SLC24A2: variants seen among roughly 807,000 people sequenced by gnomAD.
The protein encoded by SLC24A2 is sodium/potassium/calcium exchanger 2.
In SLC24A2, 36 loss-of-function variants were observed where a neutral mutation model predicts 62.0. The observed-to-expected ratio is 0.58, with a 90% CI of 0.44 to 0.77. The LOEUF is 0.77. SLC24A2 is among the 30% of genes least tolerant of loss of function. SLC24A2 has a pLI of 0.00. For missense variants in SLC24A2, 846 were observed against 817.9 expected (o/e 1.03, Z -0.42); for synonymous variants, 358 against 294.0 (o/e 1.22, Z -2.23).
chr9:19,843,125 C>T, the SLC24A2 span, among the ~76,000 whole-genome samples: 1 of 152,120 alleles, frequency 6.6e-6, no homozygotes, highest in Admixed American at 6.5e-5. Flanking sequence ...AGATATGCAG[C>T]CAGGTTTTTT....
chr9:20,240,799 A>G, the SLC24A2 span, among the ~76,000 whole-genome samples: 1 of 152,158 alleles, frequency 6.6e-6, no homozygotes, highest in Non-Finnish European at 1.5e-5. Flanking sequence ...GAGGTTACCT[A>G]GAGTACAAAT....
At position 19,515,266 on chromosome 9, in the gene SLC24A2, C is replaced by T. The variant is rs966995840; in HGVS notation, c.*887G>A. 6.6e-6 allele frequency: 1 copy of T among 152,172 alleles called. No homozygotes were observed. Among genetic ancestry groups the T allele is most frequent in the Non-Finnish European group, 1.5e-5 (1 of 68,046 alleles). The allele number at this position is 152,172 out of a possible 1,614,324, so 9.4% of individuals were successfully genotyped here. A position where few individuals can be genotyped will look rare whatever the true frequency, so the allele number is the denominator to read the frequency against. Reference sequence around the variant, plus strand: ...AAGAACAAAACAAAACAACCCAACCCTGGTTACCTCCCCACTTCCCCAAAC... The same window carrying T: ...AAGAACAAAACAAAACAACCCAACCTTGGTTACCTCCCCACTTCCCCAAAC... On this transcript the variant is annotated 3_prime_UTR_variant, in exon 11 of 11. Transcript: ENST00000341998.
the SLC24A2 span, among the ~76,000 whole-genome samples, chr9:20,014,495 G>A: frequency 7.1e-6 from 1 of 140,704 alleles, no homozygotes; most frequent in African/African-American, 2.6e-5. Flanking sequence ...AGAAAAATGT[G>A]ATATATATAT....
chr9:19,940,391 A>C, the SLC24A2 span, among the ~76,000 whole-genome samples: 22 of 152,218 alleles, frequency 1.4e-4, no homozygotes, highest in Non-Finnish European at 2.5e-4. Context: ...ACTGTACTTC[A>C]TACATTGGCC....
At chr9:20,225,194 T>G in the SLC24A2 span, among the ~76,000 whole-genome samples, 2 of 152,076 alleles carry the variant, frequency 1.3e-5, no homozygotes, top group African/African-American at 4.8e-5. Flanking sequence ...TGTATGTATA[T>G]TGAGTTATAA....
the SLC24A2 span, among the ~76,000 whole-genome samples, chr9:19,803,749 A>G: frequency 1.3e-5 from 2 of 152,182 alleles, no homozygotes; most frequent in African/African-American, 4.8e-5. Context: ...TTGTCAGCTT[A>G]TGGTGCTAGA....
intron 2 of SLC24A2, among the ~76,000 whole-genome samples, chr9:19,755,606 GAAATCTTGGCTGGGC>G (rs1307559065): frequency 1.3e-5 from 2 of 152,284 alleles, no homozygotes; most frequent in African/African-American, 4.8e-5. Context: ...AAGGATAGAG[GAAATCTTGGCTGGGC>G]AAATGCTCCA....
At chr9:20,146,971 G>T in the SLC24A2 span, among the ~76,000 whole-genome samples, 1 of 151,992 alleles carries the variant, frequency 6.6e-6, no homozygotes, top group Non-Finnish European at 1.5e-5. Flanking sequence ...CTCCACTCTT[G>T]CTCTCCTTGA....
the SLC24A2 span, among the ~76,000 whole-genome samples, chr9:20,173,926 A>T: frequency 5.5e-3 from 832 of 152,258 alleles, 13 homozygotes; most frequent in African/African-American, 0.019. Flanking sequence ...AACTGGAGGC[A>T]TCACATTATG....
the SLC24A2 span, among the ~76,000 whole-genome samples, chr9:20,181,587 G>C: frequency 6.6e-6 from 1 of 152,210 alleles, no homozygotes; most frequent in South Asian, 2.1e-4. Context: ...ACCGTGTGTA[G>C]AAAGCTGACA....
At chr9:19,882,172 A>G in the SLC24A2 span, among the ~76,000 whole-genome samples, 2 of 152,188 alleles carry the variant, frequency 1.3e-5, no homozygotes. Context: ...CTGCTGTTAA[A>G]TAGCTTTCTA....
At chr9:20,210,454 T>C in the SLC24A2 span, among the ~76,000 whole-genome samples, 3 of 152,018 alleles carry the variant, frequency 2.0e-5, no homozygotes, top group Admixed American at 6.6e-5. Flanking sequence ...GACAAAATCA[T>C]CATGCAGAAG....
At chr9:20,113,542 A>G in the SLC24A2 span, among the ~76,000 whole-genome samples, 2 of 152,194 alleles carry the variant, frequency 1.3e-5, no homozygotes, top group African/African-American at 4.8e-5. Context: ...TTTAACTGAA[A>G]TGTCCACTTT....
At chr9:19,601,506 C>T (rs2132911521) in intron 4 of SLC24A2, among the ~76,000 whole-genome samples, 1 of 152,254 alleles carries the variant, frequency 6.6e-6, no homozygotes, top group East Asian at 1.9e-4. Flanking sequence ...TAACACTCAC[C>T]ACGAAGGTCC....
At chr9:19,850,584 T>A in the SLC24A2 span, among the ~76,000 whole-genome samples, 4 of 152,082 alleles carry the variant, frequency 2.6e-5, no homozygotes, top group African/African-American at 9.7e-5. Flanking sequence ...CACATATCCA[T>A]TATCCCCCAA....
At chr9:19,753,605 A>G (rs1006349095) in intron 2 of SLC24A2, among the ~76,000 whole-genome samples, 14 of 152,146 alleles carry the variant, frequency 9.2e-5, no homozygotes, top group Admixed American at 8.5e-4. Context: ...TAGTATCTGA[A>G]TCTCCAAGTT....
At chr9:19,696,618 T>A (rs12684041) in intron 2 of SLC24A2, among the ~76,000 whole-genome samples, 2,005 of 152,318 alleles carry the variant, frequency 0.013, 33 homozygotes, top group East Asian at 0.092. Flanking sequence ...ATATCTTTTG[T>A]ATGTTTTAAG....
intron 4 of SLC24A2, among the ~76,000 whole-genome samples, chr9:19,612,418 A>G (rs2208551): frequency 0.73 from 110,499 of 152,104 alleles, 40,363 homozygotes; most frequent in East Asian, 0.88. Context: ...AAGCTCAAGT[A>G]ATCGTTCTGC....
At chr9:20,086,772 T>C in the SLC24A2 span, among the ~76,000 whole-genome samples, 1 of 152,194 alleles carries the variant, frequency 6.6e-6, no homozygotes, top group Non-Finnish European at 1.5e-5. Context: ...TTGAGAAAAT[T>C]ATTATGCTTT....
Sources: allele counts gnomAD v4.1 joint callset (sites outside exome capture counted in the v4.1 genomes callset), GRCh38; gene constraint gnomAD v4.1.1; transcripts MANE v1.5; gene names NCBI Gene and HGNC (gene_info 2026-07-23, HGNC 2026-07-21).